COL25A1: variants seen among roughly 807,000 people sequenced by gnomAD.
The protein encoded by COL25A1 is collagen type XXV alpha 1 chain.
COL25A1 carries 103 observed loss-of-function variants against 128.4 expected under a neutral mutation model. That is an observed-to-expected ratio of 0.80 (90% CI 0.68 to 0.94). The LOEUF is 0.94. COL25A1 is among the 40% of genes least tolerant of loss of function. The pLI, the probability that COL25A1 is intolerant of heterozygous loss-of-function variation, is 0.00. For missense variants in COL25A1, 745 were observed against 840.0 expected (o/e 0.89, Z 1.40); for synonymous variants, 279 against 277.2 (o/e 1.01, Z -0.06).
intron 3 of COL25A1, among the ~76,000 whole-genome samples, chr4:109,273,285 A>AT (rs936164548): frequency 1.3e-5 from 2 of 152,180 alleles, no homozygotes; most frequent in Non-Finnish European, 1.5e-5. Flanking sequence ...AAGTAATGAG[A>AT]TTTTTTATTT....
chr4:109,048,221 T>G (rs780867818), intron 4 of COL25A1, 46 bp from the exon 5 acceptor site: 1 of 1,555,650 alleles, frequency 6.4e-7, no homozygotes, highest in East Asian at 2.3e-5. Context: ...GAGGAGTTAG[T>G]GAATATGCAA....
chr4:109,010,859 T>C (rs1251978679), intron 5 of COL25A1, among the ~76,000 whole-genome samples: 1 of 152,234 alleles, frequency 6.6e-6, no homozygotes, highest in Non-Finnish European at 1.5e-5. Flanking sequence ...AACTTCTCAT[T>C]ATTTCAATAA....
intron 33 of COL25A1, among the ~76,000 whole-genome samples, chr4:108,825,789 CTG>C (rs1732301826): frequency 6.6e-6 from 1 of 152,200 alleles, no homozygotes; most frequent in South Asian, 2.1e-4. Flanking sequence ...GATGTGCACA[CTG>C]TGTACGAAGG....
At chr4:109,235,674 T>C (rs754336732) in intron 3 of COL25A1, among the ~76,000 whole-genome samples, 1 of 152,032 alleles carries the variant, frequency 6.6e-6, no homozygotes, top group Non-Finnish European at 1.5e-5. Flanking sequence ...TCTGTGGCAA[T>C]ATATGACAAA....
At chr4:109,197,460 ATAT>A (rs1168235327) in intron 3 of COL25A1, among the ~76,000 whole-genome samples, 12 of 70,622 alleles carry the variant, frequency 1.7e-4, no homozygotes, top group East Asian at 4.3e-4. Context: ...TTATATATAA[ATAT>A]TATATATAAT....
At chr4:109,120,766 C>T (rs1206453814) in intron 3 of COL25A1, among the ~76,000 whole-genome samples, 1 of 151,772 alleles carries the variant, frequency 6.6e-6, no homozygotes, top group Non-Finnish European at 1.5e-5. Context: ...TGTGATTGTG[C>T]CACTGTCCTC....
At chr4:108,828,647 T>C (rs1266431507) in intron 32 of COL25A1, among the ~76,000 whole-genome samples, 1 of 152,224 alleles carries the variant, frequency 6.6e-6, no homozygotes, top group Non-Finnish European at 1.5e-5. Flanking sequence ...ATGTTCTGTA[T>C]TTCAAATGGT....
At chr4:109,231,669 T>C (rs958159703) in intron 3 of COL25A1, among the ~76,000 whole-genome samples, 22 of 152,184 alleles carry the variant, frequency 1.4e-4, no homozygotes, top group African/African-American at 4.8e-4. Context: ...CCAAACTAAA[T>C]GGGATTTTCT....
chr4:109,158,465 AAAGC>A, intron 3 of COL25A1, among the ~76,000 whole-genome samples: 1 of 152,364 alleles, frequency 6.6e-6, no homozygotes. Context: ...TAATGGTAGT[AAAGC>A]AAGGTGGAAA....
intron 3 of COL25A1, among the ~76,000 whole-genome samples, chr4:109,300,075 A>G (rs1053992987): frequency 2.0e-5 from 3 of 152,074 alleles, no homozygotes; most frequent in Admixed American, 1.3e-4. Context: ...CATCATCTCT[A>G]GCTATAGGAT....
chr4:108,920,677 C>T, intron 11 of COL25A1, 73 bp from the exon 12 acceptor site: 2 of 1,072,652 alleles, frequency 1.9e-6, no homozygotes, highest in Non-Finnish European at 2.7e-6. Flanking sequence ...TTAAACTGTC[C>T]TATTCTCTAA....
intron 3 of COL25A1, among the ~76,000 whole-genome samples, chr4:109,134,124 G>T (rs984621610): frequency 6.6e-6 from 1 of 151,310 alleles, no homozygotes; most frequent in Admixed American, 6.6e-5. Flanking sequence ...CAAAAATGAC[G>T]AGTTCCACAT....
At chr4:108,868,940 G>A (rs1471135393) in intron 20 of COL25A1, 148 bp downstream of exon 20, 13 of 525,404 alleles carry the variant, frequency 2.5e-5, no homozygotes, top group Non-Finnish European at 4.3e-5. Context: ...AGGAAGGAAA[G>A]AAAGAAAAGA....
chr4:109,128,980 C>T (rs895937185), intron 3 of COL25A1, among the ~76,000 whole-genome samples: 5 of 152,266 alleles, frequency 3.3e-5, no homozygotes, highest in Admixed American at 1.3e-4. Flanking sequence ...AACACAGATT[C>T]GCAGGCTGGA....
intron 3 of COL25A1, among the ~76,000 whole-genome samples, chr4:109,229,917 G>C (rs1391252298): frequency 1.3e-5 from 2 of 152,114 alleles, no homozygotes; most frequent in African/African-American, 4.8e-5. Context: ...GAAGTGCAGG[G>C]GCATCTGCTT....
chr4:108,995,118 T>G (rs1463256416), intron 6 of COL25A1, among the ~76,000 whole-genome samples: 1 of 152,192 alleles, frequency 6.6e-6, no homozygotes, highest in African/African-American at 2.4e-5. Context: ...GAGAATGAGT[T>G]TGACGAGTTA....
intron 18 of COL25A1, among the ~76,000 whole-genome samples, chr4:108,888,958 C>G (rs1175936181): frequency 6.6e-6 from 1 of 152,126 alleles, no homozygotes; most frequent in South Asian, 2.1e-4. Context: ...TCCAACCCAC[C>G]TAATCTTTGT....
intron 8 of COL25A1, 117 bp downstream of exon 8, chr4:108,974,250 G>A: frequency 1.0e-6 from 1 of 1,004,468 alleles, no homozygotes; most frequent in Non-Finnish European, 1.5e-6. Context: ...TGGTATTTTT[G>A]CCAGCCATTA....
At chr4:109,300,902 C>A (rs373238121) in intron 2 of COL25A1, among the ~76,000 whole-genome samples, 29 of 152,166 alleles carry the variant, frequency 1.9e-4, no homozygotes, top group Non-Finnish European at 4.0e-4. Context: ...TACCACCACT[C>A]TCTCCCTCAG....
Sources: gnomAD v4.1 joint callset for allele counts (sites outside exome capture counted in the v4.1 genomes callset) on GRCh38, gnomAD v4.1.1 for gene constraint, MANE v1.5 for transcripts, NCBI Gene and HGNC (gene_info 2026-07-23, HGNC 2026-07-21) for gene names.